FBXO43: variants seen among roughly 807,000 people sequenced by gnomAD.
FBXO43 encodes the protein F-box protein 43.
A neutral mutation model predicts 56.7 loss-of-function variants in FBXO43; 22 were observed. That is an observed-to-expected ratio of 0.39 (90% CI 0.28 to 0.55). The LOEUF (loss-of-function observed/expected upper bound fraction) is 0.55. FBXO43 is among the 20% of genes least tolerant of loss of function. FBXO43 has a pLI of 0.66. For synonymous variants in FBXO43, 306 were observed against 294.5 expected (o/e 1.04, Z -0.40); for missense variants, 733 against 814.9 (o/e 0.90, Z 1.22).
intron 2 of FBXO43, among the ~76,000 whole-genome samples, chr8:100,140,310 A>G (rs868132009): frequency 3.2e-4 from 49 of 152,108 alleles, no homozygotes; most frequent in Admixed American, 1.3e-4. Context: ...CTCTACTAAA[A>G]CTACAAAAAA....
chr8:100,144,038 G>T (rs1586353668), intron 1 of FBXO43, among the ~76,000 whole-genome samples: 1 of 152,210 alleles, frequency 6.6e-6, no homozygotes, highest in South Asian at 2.1e-4. Flanking sequence ...CTCCCAAAGT[G>T]CTGGGATTAC....
intron 3 of FBXO43, among the ~76,000 whole-genome samples, chr8:100,136,238 A>C (rs993950549): frequency 6.6e-6 from 1 of 152,248 alleles, no homozygotes; most frequent in Non-Finnish European, 1.5e-5. Flanking sequence ...AATAAAAAAG[A>C]AAGTCAAAGT....
chr8:100,142,655 A>G (rs1463631409), intron 1 of FBXO43, among the ~76,000 whole-genome samples: 1 of 152,250 alleles, frequency 6.6e-6, no homozygotes, highest in Non-Finnish European at 1.5e-5. Flanking sequence ...TCTACCTGCA[A>G]TCAGGCTGAA....
At chr8:100,134,812 T>G (rs1242022055) in intron 3 of FBXO43, among the ~76,000 whole-genome samples, 3 of 152,174 alleles carry the variant, frequency 2.0e-5, no homozygotes, top group Non-Finnish European at 4.4e-5. Context: ...TTTATAATTT[T>G]TTTTGTTTTG....
upstream of FBXO43, among the ~76,000 whole-genome samples, chr8:100,148,243 TATATC>T (rs10579219): frequency 0.38 from 56,925 of 151,670 alleles, 10,891 homozygotes; most frequent in East Asian, 0.51. Flanking sequence ...AGTGAAAGAC[TATATC>T]ATATCTCCTT....
upstream of FBXO43, among the ~76,000 whole-genome samples, chr8:100,146,431 C>CA (rs770751175): frequency 1.3e-4 from 20 of 151,442 alleles, 1 homozygote; most frequent in South Asian, 2.1e-4. Flanking sequence ...ACCCCCATCT[C>CA]AAAAAAAAGA....
upstream of FBXO43, among the ~76,000 whole-genome samples, chr8:100,149,836 T>A (rs1028159388): frequency 6.6e-5 from 10 of 152,344 alleles, no homozygotes; most frequent in Middle Eastern, 3.4e-3. Context: ...TTAAATTTTT[T>A]AAAATAGCTT....
At chr8:100,143,203 T>C (rs1814712097) in intron 1 of FBXO43, among the ~76,000 whole-genome samples, 1 of 152,240 alleles carries the variant, frequency 6.6e-6, no homozygotes, top group South Asian at 2.1e-4. Flanking sequence ...TTGATATTTT[T>C]CCAGATGATT....
chr8:100,138,342 T>C (rs1318249461), intron 2 of FBXO43, among the ~76,000 whole-genome samples: 1 of 152,210 alleles, frequency 6.6e-6, no homozygotes, highest in Non-Finnish European at 1.5e-5. Flanking sequence ...CAGAAAAGAT[T>C]GAAATAAGTC....
At chr8:100,139,153 G>A (rs1030018424) in intron 2 of FBXO43, among the ~76,000 whole-genome samples, 2 of 152,030 alleles carry the variant, frequency 1.3e-5, no homozygotes, top group South Asian at 4.1e-4. Flanking sequence ...CACTTCTCTG[G>A]GGCTCATTTC....
chr8:100,148,599 G>A (rs2132153470), upstream of FBXO43, among the ~76,000 whole-genome samples: 4 of 152,280 alleles, frequency 2.6e-5, no homozygotes, highest in South Asian at 8.3e-4. Context: ...TTTTAGTAGA[G>A]ACGGGGTTTC....
intron 1 of FBXO43, among the ~76,000 whole-genome samples, chr8:100,142,695 T>A (rs1465357377): frequency 6.6e-6 from 1 of 152,228 alleles, no homozygotes; most frequent in Non-Finnish European, 1.5e-5. Context: ...ACATGTAACA[T>A]AGACCTGTTG....
rs780589126 is a variant in FBXO43, at chr8:100,141,767, C to T, written c.487G>A (p.Ala163Thr). Residue 163 changes from alanine (A) to threonine (T), a missense_variant, in exon 2 of 5, where the codon GCT becomes ACT. By Grantham distance (58) the Ala-to-Thr change is moderately conservative. Transcript: ENST00000428847. ...LPRRRLNVSF[A>T]LLKGDFESQN... is the part of the protein sequence containing the mutation. Reference sequence around the variant, plus strand: ...GATTCAAAGTCCCCTTTTAGAAGAGCGAAAGATACATTCAACCTTCTGCGA... The same window carrying T: ...GATTCAAAGTCCCCTTTTAGAAGAGTGAAAGATACATTCAACCTTCTGCGA... 5 of 1,591,124 alleles carry T rather than the reference C, an allele frequency of 3.1e-6. No homozygotes were observed. The highest frequency in any genetic ancestry group is 2.7e-5 in the African/African-American group (2 of 73,692).
Position 100,133,495 on chromosome 8 carries a change from G to T in FBXO43, c.*307C>A, listed in dbSNP as rs989746821. 2.9e-5 allele frequency: 6 copies of T among 206,104 alleles called. No homozygotes were observed. The highest frequency in any genetic ancestry group is 3.9e-5 in the Non-Finnish European group (4 of 103,336). The allele number at this position is 206,104 out of a possible 1,614,324, so 12.8% of individuals were successfully genotyped here. On this transcript the variant is annotated 3_prime_UTR_variant, in exon 5 of 5. Coordinates refer to ENST00000428847, the MANE Select transcript of FBXO43 (RefSeq NM_001029860.4). The stretch of plus-strand genomic sequence containing the variant: ...TTTTTAAAAAATGATTGAAGAACAT[G>T]TCAAGAGTGATGAAATGCACAAATT...
chr8:100,143,842 G>A (rs1049926057), intron 1 of FBXO43, among the ~76,000 whole-genome samples: 3 of 152,112 alleles, frequency 2.0e-5, no homozygotes, highest in Non-Finnish European at 2.9e-5. Context: ...CGTGATTTCT[G>A]CTCACTGCAG....
intron 3 of FBXO43, chr8:100,137,349 C>T (rs1024680682): frequency 7.6e-6 from 3 of 395,440 alleles, no homozygotes; most frequent in African/African-American, 4.3e-5. Context: ...CGTGAGCCAC[C>T]GCGCCTGGCC....
chr8:100,145,850 GC>G (rs1437025962), upstream of FBXO43: 1 of 152,646 alleles, frequency 6.6e-6, no homozygotes, highest in Non-Finnish European at 1.5e-5. Flanking sequence ...GCTAAGCGCA[GC>G]CCCGCCCCGC....
At chr8:100,134,484 A>C in intron 3 of FBXO43, 120 bp from the exon 4 acceptor site, 1 of 633,942 alleles carries the variant, frequency 1.6e-6, no homozygotes, top group Non-Finnish European at 2.5e-6. Context: ...TTCTCTCCCT[A>C]GGCTGTTCCT....
At position 100,141,923 on chromosome 8, in the gene FBXO43, A is replaced by C; in HGVS notation, c.331T>G (p.Ser111Ala). ...PTLLYEHPET[S>A]GLGLTHPLES... is the part of the protein sequence containing the mutation. ...AAAGGATGTGTTAAGCCCAGGCCTGAAGTTTCAGGGTGCTCATAGAGTAAT... is the reference window on the plus strand; with the variant it reads ...AAAGGATGTGTTAAGCCCAGGCCTGCAGTTTCAGGGTGCTCATAGAGTAAT... The change falls in exon 2 of 5, where the codon TCA becomes GCA. Residue 111 changes from serine to alanine, a missense_variant. Coordinates refer to ENST00000428847, the MANE Select transcript of FBXO43 (RefSeq NM_001029860.4). 2 of 1,591,290 alleles carry C rather than the reference A, an allele frequency of 1.3e-6. No homozygotes were observed. The highest frequency in any genetic ancestry group is 1.7e-4 in the Middle Eastern group (1 of 5,928).
Sources: allele counts gnomAD v4.1 joint callset (sites outside exome capture counted in the v4.1 genomes callset), GRCh38; gene constraint gnomAD v4.1.1; transcripts MANE v1.5; gene names NCBI Gene and HGNC (gene_info 2026-07-23, HGNC 2026-07-21).